Variants in ZNF536 observed in about 807,000 individuals in gnomAD.
ZNF536 encodes the protein zinc finger protein 536.
ZNF536 carries 13 observed loss-of-function variants against 84.5 expected under a neutral mutation model. The observed-to-expected ratio is 0.15, with a 90% CI of 0.10 to 0.24. The LOEUF (loss-of-function observed/expected upper bound fraction) is 0.24. ZNF536 is among the 10% of genes least tolerant of loss of function. ZNF536 has a pLI of 1.00. For missense variants in ZNF536, 1,536 were observed against 1,747.5 expected (o/e 0.88, Z 2.16); for synonymous variants, 811 against 742.5 (o/e 1.09, Z -1.50).
chr19:30,461,138 T>G (rs976069193), intron 2 of ZNF536, among the ~76,000 whole-genome samples: 5 of 152,150 alleles, frequency 3.3e-5, no homozygotes, highest in Non-Finnish European at 5.9e-5. Context: ...ACTGGGAATC[T>G]GCCCTCCCAG....
chr19:30,598,400 C>T (rs1273205254), intron 1 of ZNF536, among the ~76,000 whole-genome samples: 1 of 152,084 alleles, frequency 6.6e-6, no homozygotes. Flanking sequence ...GACCTGGGTG[C>T]CCACGAAATC....
intron 1 of ZNF536, among the ~76,000 whole-genome samples, chr19:30,242,591 A>G (rs1351134601): frequency 3.9e-5 from 6 of 152,170 alleles, no homozygotes; most frequent in Admixed American, 6.5e-5. Context: ...CCCTGCCCCC[A>G]AGGGGATTTG....
intron 4 of ZNF536, among the ~76,000 whole-genome samples, chr19:30,552,217 G>C (rs1485867638): frequency 1.3e-5 from 2 of 152,158 alleles, no homozygotes; most frequent in African/African-American, 4.8e-5. Flanking sequence ...GTAGGTATGG[G>C]TTTCTAAATC....
intron 2 of ZNF536, among the ~76,000 whole-genome samples, chr19:30,513,747 G>A (rs946883324): frequency 1.3e-5 from 2 of 152,120 alleles, no homozygotes; most frequent in Non-Finnish European, 2.9e-5. Flanking sequence ...CACAGCTCCC[G>A]GTGGTCACAA....
At chr19:30,407,794 A>G (rs1386281378) in intron 1 of ZNF536, among the ~76,000 whole-genome samples, 1 of 152,172 alleles carries the variant, frequency 6.6e-6, no homozygotes, top group African/African-American at 2.4e-5. Context: ...ACCCTTCTTG[A>G]TGAGTGCAAA....
chr19:30,610,294 G>A (rs922330185), intron 1 of ZNF536, among the ~76,000 whole-genome samples: 12 of 152,218 alleles, frequency 7.9e-5, no homozygotes, highest in Non-Finnish European at 1.5e-5. Flanking sequence ...GACAGGATAG[G>A]GTGTGACGGC....
chr19:30,672,039 C>T (rs1050824324), intron 1 of ZNF536, among the ~76,000 whole-genome samples: 5 of 152,206 alleles, frequency 3.3e-5, no homozygotes, highest in Non-Finnish European at 5.9e-5. Flanking sequence ...CTCACTGGGG[C>T]CGTCCAGGCC....
intron 2 of ZNF536, among the ~76,000 whole-genome samples, chr19:30,340,035 C>G (rs552727452): frequency 6.6e-6 from 1 of 152,248 alleles, no homozygotes; most frequent in Admixed American, 6.5e-5. Flanking sequence ...GTCCTGGGCC[C>G]GGGCAGGCCG....
intron 1 of ZNF536, among the ~76,000 whole-genome samples, chr19:30,569,496 G>A (rs555743386): frequency 1.3e-5 from 2 of 151,096 alleles, no homozygotes; most frequent in East Asian, 3.9e-4. Context: ...TCAGTCTCTG[G>A]GTTAGGTGAG....
chr19:30,522,274 C>CAT (rs1281085007), intron 2 of ZNF536, among the ~76,000 whole-genome samples: 2 of 7,322 alleles, frequency 2.7e-4, no homozygotes, highest in Non-Finnish European at 3.8e-4. Context: ...TATATATATA[C>CAT]ATATATATAA....
At chr19:30,347,959 C>A (rs1194682949) in intron 2 of ZNF536, among the ~76,000 whole-genome samples, 1 of 152,200 alleles carries the variant, frequency 6.6e-6, no homozygotes, top group African/African-American at 2.4e-5. Flanking sequence ...TTACTTCAAC[C>A]CGCCACGTGG....
At chr19:30,284,307 G>T (rs1388907243) in intron 2 of ZNF536, among the ~76,000 whole-genome samples, 2 of 152,218 alleles carry the variant, frequency 1.3e-5, no homozygotes, top group Admixed American at 1.3e-4. Context: ...TGTGGGCGGG[G>T]TGAACTACAA....
intron 1 of ZNF536, among the ~76,000 whole-genome samples, chr19:30,439,594 G>T (rs998276536): frequency 6.6e-6 from 1 of 152,136 alleles, no homozygotes; most frequent in Non-Finnish European, 1.5e-5. Context: ...CCATTGCAGC[G>T]GCCTCGGCTG....
chr19:30,403,380 A>G (rs1415932023), intron 1 of ZNF536, among the ~76,000 whole-genome samples: 1 of 152,180 alleles, frequency 6.6e-6, no homozygotes, highest in East Asian at 1.9e-4. Flanking sequence ...TGAAAGGAGG[A>G]AAGTGAGAGC....
At chr19:30,425,351 A>G (rs905328177) in intron 1 of ZNF536, among the ~76,000 whole-genome samples, 2 of 152,056 alleles carry the variant, frequency 1.3e-5, no homozygotes, top group African/African-American at 4.8e-5. Flanking sequence ...GGGAGGGCAT[A>G]TTTGTTTATC....
At chr19:30,374,226 T>TGAGCACTGA (rs1373407959) in intron 1 of ZNF536, among the ~76,000 whole-genome samples, 1 of 152,094 alleles carries the variant, frequency 6.6e-6, no homozygotes, top group Non-Finnish European at 1.5e-5. Flanking sequence ...CTCTATAGGT[T>TGAGCACTGA]GAAGTGCTGG....
intron 3 of ZNF536, among the ~76,000 whole-genome samples, chr19:30,363,097 T>C (rs1174914204): frequency 5.3e-5 from 8 of 151,848 alleles, no homozygotes; most frequent in Non-Finnish European, 1.0e-4. Flanking sequence ...GGTTTGAAAT[T>C]AAGGAAAAAC....
intron 4 of ZNF536, chr19:30,555,802 C>G (rs1167501435): frequency 1.3e-5 from 2 of 152,142 alleles, no homozygotes; most frequent in South Asian, 2.1e-4. Flanking sequence ...GGCCCAGAAG[C>G]CAGCAGGTTC....
chr19:30,660,198 G>C (rs1432333733), intron 1 of ZNF536, among the ~76,000 whole-genome samples: 1 of 152,174 alleles, frequency 6.6e-6, no homozygotes, highest in Non-Finnish European at 1.5e-5. Context: ...CCAGGCAGAA[G>C]GAAGGAAAAC....
Sources: gnomAD v4.1 joint callset for allele counts (sites outside exome capture counted in the v4.1 genomes callset) on GRCh38, gnomAD v4.1.1 for gene constraint, MANE v1.5 for transcripts, NCBI Gene and HGNC (gene_info 2026-07-23, HGNC 2026-07-21) for gene names.